Variants in C10orf90 observed in about 807,000 individuals in gnomAD.
C10orf90 encodes chromosome 10 open reading frame 90, also known as (E2-independent) E3 ubiquitin-conjugating enzyme FATS.
C10orf90 carries 56 observed loss-of-function variants against 62.5 expected under a neutral mutation model. The ratio of observed to expected loss-of-function variants is 0.90; its 90% CI spans 0.72 to 1.12. C10orf90 has a LOEUF of 1.12. Ranked by LOEUF, C10orf90 falls within the 50% of genes most tolerant of loss-of-function variation. The pLI, the probability that C10orf90 is intolerant of heterozygous loss-of-function variation, is 0.00. For synonymous variants in C10orf90, 386 were observed against 340.4 expected (o/e 1.13, Z -1.47); for missense variants, 970 against 880.4 (o/e 1.10, Z -1.29).
intron 2 of C10orf90, among the ~76,000 whole-genome samples, chr10:126,593,982 A>T (rs1366487100): frequency 6.6e-6 from 1 of 152,086 alleles, no homozygotes; most frequent in Admixed American, 6.5e-5. Context: ...AGAAAAAATG[A>T]ACACCTAAAA....
rs112690446 is a variant in C10orf90 at position 126,542,768 on chromosome 10, A to G, written c.314-28829T>C. Among the ~76,000 whole-genome samples, 243 of 152,270 alleles carry G rather than the reference A, an allele frequency of 1.6e-3. 2 individuals carry two copies. Among genetic ancestry groups the G allele is most frequent in the African/African-American group, 5.6e-3 (233 of 41,544 alleles). On this transcript the variant is annotated intron_variant, in intron 2 of 9. Transcript: ENST00000488181. ...TGGGAAGGTGGGTTCTTCCCAAACT[A>G]TTGGCTGAAATGTAGACTGGTAGAA...
intron 4 of C10orf90, among the ~76,000 whole-genome samples, chr10:126,492,442 G>A (rs975445115): frequency 6.6e-6 from 1 of 152,216 alleles, no homozygotes; most frequent in African/African-American, 2.4e-5. Context: ...GGGAAGCTCA[G>A]TGAAGGATGT....
intron 2 of C10orf90, among the ~76,000 whole-genome samples, chr10:126,583,053 A>C (rs1844785748): frequency 6.6e-6 from 1 of 152,150 alleles, no homozygotes; most frequent in Non-Finnish European, 1.5e-5. Flanking sequence ...CAGCATCCCT[A>C]ACCTCTACTC....
chr10:126,455,735 C>T (rs1406741235), intron 7 of C10orf90, among the ~76,000 whole-genome samples: 1 of 152,198 alleles, frequency 6.6e-6, no homozygotes, highest in Non-Finnish European at 1.5e-5. Context: ...TTCCTGGTCC[C>T]TCTAGAGTTC....
chr10:126,500,086 C>T lies in C10orf90; in HGVS notation c.1534+3871G>A, dbSNP rs376356201. Among the ~76,000 whole-genome samples the T allele has an allele frequency of 1.6e-4, 25 of 152,306 alleles. 1 individual carries two copies. Among genetic ancestry groups the T allele is most frequent in the East Asian group, 7.7e-4 (4 of 5,186 alleles). ...GATTTCTGAGCCAATACATTTTAAT[C>T]GCATAAAATGATATGGCTTATTACA... On this transcript the variant is annotated intron_variant, in intron 4 of 9. Transcript: ENST00000488181.
At chr10:126,639,748 G>T (rs1202161890) in intron 2 of C10orf90, among the ~76,000 whole-genome samples, 1 of 152,238 alleles carries the variant, frequency 6.6e-6, no homozygotes, top group Non-Finnish European at 1.5e-5. Context: ...TATATAGACT[G>T]CGAAATCTGC....
intron 4 of C10orf90, among the ~76,000 whole-genome samples, chr10:126,485,112 C>A (rs909463513): frequency 9.2e-5 from 14 of 152,152 alleles, no homozygotes; most frequent in Non-Finnish European, 1.5e-5. Context: ...GTAATTAGGT[C>A]ATATGGGTGG....
chr10:126,553,754 G>A (rs1268156582), intron 2 of C10orf90, among the ~76,000 whole-genome samples: 3 of 152,130 alleles, frequency 2.0e-5, no homozygotes, highest in East Asian at 1.9e-4. Flanking sequence ...TAGTTCCGCA[G>A]TGATGAAAAC....
chr10:126,431,515 A>G (rs1564787285), intron 7 of C10orf90, among the ~76,000 whole-genome samples: 1 of 152,182 alleles, frequency 6.6e-6, no homozygotes, highest in Non-Finnish European at 1.5e-5. Flanking sequence ...TCCAAGAAAA[A>G]AGGAAATGTC....
chr10:126,523,483 TGAG>T (rs1863836521), intron 2 of C10orf90: 3 of 2,420 alleles, frequency 1.2e-3, no homozygotes, highest in African/African-American at 0.013. Flanking sequence ...CTCACAGTCT[TGAG>T]GAGATGACAC....
intron 2 of C10orf90, among the ~76,000 whole-genome samples, chr10:126,623,022 G>A (rs1845676362): frequency 6.6e-6 from 1 of 152,206 alleles, no homozygotes; most frequent in Non-Finnish European, 1.5e-5. Flanking sequence ...CTCCATGGGA[G>A]ATGTAGAAGT....
intron 7 of C10orf90, among the ~76,000 whole-genome samples, chr10:126,447,317 T>C (rs1469551762): frequency 6.7e-6 from 1 of 149,760 alleles, no homozygotes; most frequent in Non-Finnish European, 1.5e-5. Flanking sequence ...AGGACATAAA[T>C]AGACAAAAAG....
intron 1 of C10orf90, among the ~76,000 whole-genome samples, chr10:126,665,022 G>A (rs1452471077): frequency 6.6e-6 from 1 of 152,214 alleles, no homozygotes; most frequent in Admixed American, 6.5e-5. Flanking sequence ...GCCAGTGGAG[G>A]CTGAGCTGAG....
chr10:126,595,824 T>C (rs1006783182), intron 2 of C10orf90, among the ~76,000 whole-genome samples: 10 of 152,116 alleles, frequency 6.6e-5, no homozygotes, highest in Non-Finnish European at 1.3e-4. Flanking sequence ...TCTAGCTCAG[T>C]ACCCCACACC....
chr10:126,628,128 G>T (rs527657524), intron 2 of C10orf90, among the ~76,000 whole-genome samples: 16 of 152,300 alleles, frequency 1.1e-4, no homozygotes, highest in African/African-American at 3.6e-4. Context: ...CAGGGAAGAG[G>T]CCTGGATTCC....
intron 5 of C10orf90, among the ~76,000 whole-genome samples, chr10:126,463,067 C>A (rs1332488084): frequency 6.6e-6 from 1 of 151,778 alleles, no homozygotes; most frequent in Non-Finnish European, 1.5e-5. Flanking sequence ...AGCCCCAACC[C>A]CCGTCCTGTG....
chr10:126,524,803 G>A (rs937807789), intron 2 of C10orf90: 10 of 985,402 alleles, frequency 1.0e-5, no homozygotes, highest in African/African-American at 1.7e-5. Context: ...GGGGGCCATC[G>A]AGGGAGGGCA....
intron 7 of C10orf90, among the ~76,000 whole-genome samples, chr10:126,445,161 A>G (rs942461369): frequency 3.9e-5 from 6 of 152,176 alleles, no homozygotes; most frequent in African/African-American, 1.4e-4. Flanking sequence ...AACAAAGACA[A>G]ATAGTTGGGA....
intron 4 of C10orf90, 83 bp from the exon 5 acceptor site, chr10:126,465,069 C>G (rs1860207272): frequency 1.4e-6 from 2 of 1,446,846 alleles, no homozygotes; most frequent in African/African-American, 2.8e-5. Context: ...TGGTGCTTTT[C>G]TCGGGACAGA....
Sources: gnomAD v4.1 joint callset for allele counts (sites outside exome capture counted in the v4.1 genomes callset) on GRCh38, gnomAD v4.1.1 for gene constraint, MANE v1.5 for transcripts, NCBI Gene and HGNC (gene_info 2026-07-23, HGNC 2026-07-21) for gene names.